The following EEPD1 variants were observed in gnomAD, a reference collection of about 807,000 sequenced individuals.
EEPD1 encodes the protein endonuclease/exonuclease/phosphatase family domain containing 1.
A neutral mutation model predicts 46.3 loss-of-function variants in EEPD1; 17 were observed. That is an observed-to-expected ratio of 0.37 (90% CI 0.25 to 0.55). The LOEUF is 0.55. Among genes scored for constraint, EEPD1 ranks in the 20% least tolerant of loss-of-function variants. EEPD1 has a pLI of 0.83. For synonymous variants in EEPD1, 313 were observed against 315.6 expected, an observed-to-expected ratio of 0.99 and a Z score of 0.09; for missense variants, 673 against 745.6, an observed-to-expected ratio of 0.90 and a Z score of 1.13.
Position 36,154,762 on chromosome 7 carries a change from G to C in EEPD1, c.438G>C (p.Gln146His), listed in dbSNP as rs1263990013. The C allele has an allele frequency of 6.2e-7, 1 of 1,614,108 alleles. No homozygotes were observed. Among genetic ancestry groups the C allele is most frequent in the South Asian group, 1.1e-5 (1 of 91,064 alleles). Residue 146 changes from glutamine (Q) to histidine (H), a missense_variant, in exon 2 of 8, where the codon CAG (glutamine) becomes CAC (histidine). Physicochemically the swap from Gln to His is conservative, Grantham distance 24. Transcript: ENST00000242108. This position sits in a 1 kb window ranked among gnomAD's most constrained non-coding sequence, Gnocchi z 4.2. ...RVNINTATPA[Q>H]LMSVRGLSEK... is the part of the protein sequence containing the mutation. Reference sequence around the variant, plus strand: ...ACATCAACACAGCCACCCCGGCCCAGCTCATGAGCGTGCGAGGCCTCTCGG... The same window carrying C: ...ACATCAACACAGCCACCCCGGCCCACCTCATGAGCGTGCGAGGCCTCTCGG...
At chr7:36,162,519 C>T (rs527314848) in intron 2 of EEPD1, among the ~76,000 whole-genome samples, 1 of 152,174 alleles carries the variant, frequency 6.6e-6, no homozygotes, top group East Asian at 1.9e-4. Context: ...TGGTGCACAC[C>T]CATAGTCCCA....
intron 5 of EEPD1, among the ~76,000 whole-genome samples, chr7:36,285,442 A>C (rs1023945434): frequency 6.6e-6 from 1 of 152,148 alleles, no homozygotes; most frequent in African/African-American, 2.4e-5. Context: ...GGCATCGCCC[A>C]TGTGGGAATC....
intron 3 of EEPD1, among the ~76,000 whole-genome samples, chr7:36,254,288 TC>T (rs1194669658): frequency 6.6e-6 from 1 of 152,084 alleles, no homozygotes; most frequent in Non-Finnish European, 1.5e-5. Flanking sequence ...AGCCCCCGAC[TC>T]CCTGACAGGC....
In EEPD1 at chr7:36,300,611, T is replaced by C. The variant is rs554016275; in HGVS notation, c.*1405T>C. ...CGCTTTCCACACCGAACACTAAATGTGGACCAGTATCAAGAACCCTCCTGT... is the reference window on the plus strand; with the variant it reads ...CGCTTTCCACACCGAACACTAAATGCGGACCAGTATCAAGAACCCTCCTGT... On this transcript the variant is annotated 3_prime_UTR_variant, in exon 8 of 8. Transcript: ENST00000242108. The C allele has an allele frequency of 7.2e-5, 11 of 152,340 alleles. No individual in the cohort carries two copies. In the East Asian group the frequency reaches 1.5e-3, roughly 21 times the overall value. The allele number at this position is 152,340 out of a possible 1,614,324, so 9.4% of individuals were successfully genotyped here.
At chr7:36,173,268 C>T (rs1785121529) in intron 2 of EEPD1, among the ~76,000 whole-genome samples, 1 of 143,156 alleles carries the variant, frequency 7.0e-6, no homozygotes, top group Non-Finnish European at 1.5e-5. Context: ...GGGGGCGGAT[C>T]ACGAGGTCAG....
rs2024442 is a variant in EEPD1, at chr7:36,225,778, A to G, written c.879-13207A>G. Among the ~76,000 whole-genome samples, 149,262 of 152,292 alleles carry G rather than the reference A, an allele frequency of 0.98. 73,220 individuals carry two copies. Among genetic ancestry groups the G allele is most frequent in the East Asian group, 1 (5,182 of 5,182 alleles). On this transcript the variant is annotated intron_variant, in intron 2 of 7. Coordinates refer to ENST00000242108, the MANE Select transcript of EEPD1 (RefSeq NM_030636.3). The surrounding 1 kb of genome is among the most constrained non-coding windows in gnomAD (Gnocchi z 4.2). Reference sequence around the variant, plus strand: ...AGTTCTTCGATTATCAAGTAAGTTTATGAACCCTCTACAAAATTTGGGGGT... The same window carrying G: ...AGTTCTTCGATTATCAAGTAAGTTTGTGAACCCTCTACAAAATTTGGGGGT...
intron 2 of EEPD1, among the ~76,000 whole-genome samples, chr7:36,188,257 A>G (rs1372462511): frequency 6.6e-6 from 1 of 152,118 alleles, no homozygotes; most frequent in South Asian, 2.1e-4. Context: ...GTACTACAGC[A>G]TTTTTGAAGA....
intron 3 of EEPD1, among the ~76,000 whole-genome samples, chr7:36,254,662 C>G (rs1297258052): frequency 1.3e-5 from 2 of 152,148 alleles, no homozygotes; most frequent in Non-Finnish European, 2.9e-5. Context: ...ATTACTGGGT[C>G]AAATGGTATT....
chr7:36,297,639 C>T (rs905852789), intron 7 of EEPD1, among the ~76,000 whole-genome samples: 1 of 152,180 alleles, frequency 6.6e-6, no homozygotes, highest in Non-Finnish European at 1.5e-5. Flanking sequence ...AAACATTTGT[C>T]AAACATGCAA....
chr7:36,156,507 T>A (rs926582427), intron 2 of EEPD1, among the ~76,000 whole-genome samples: 1 of 152,184 alleles, frequency 6.6e-6, no homozygotes, highest in Non-Finnish European at 1.5e-5. Context: ...ATAATTGTTC[T>A]CTTTATCCAT....
chr7:36,205,072 C>A (rs372512378), intron 2 of EEPD1, among the ~76,000 whole-genome samples: 1 of 152,200 alleles, frequency 6.6e-6, no homozygotes, highest in East Asian at 1.9e-4. Flanking sequence ...CATTCCCACT[C>A]CCCCACTGTC....
At chr7:36,279,045 G>A (rs1239964336) in intron 3 of EEPD1, among the ~76,000 whole-genome samples, 2 of 152,178 alleles carry the variant, frequency 1.3e-5, no homozygotes, top group African/African-American at 4.8e-5. Flanking sequence ...TTACAATGGA[G>A]GCAACTACTT....
Position 36,250,097 on chromosome 7 carries a change from T to G in EEPD1, c.930+11061T>G, listed in dbSNP as rs146876871. On this transcript the variant is annotated intron_variant, in intron 3 of 7. Coordinates refer to ENST00000242108, the MANE Select transcript of EEPD1 (RefSeq NM_030636.3). Reference sequence around the variant, plus strand: ...GTTAGCTGAGCATGGTAGCATACATTTGTAGTCCCCGCTACTCAGGAGGCT... The same window carrying G: ...GTTAGCTGAGCATGGTAGCATACATGTGTAGTCCCCGCTACTCAGGAGGCT... Among the ~76,000 whole-genome samples, 549 of 152,048 alleles carry G rather than the reference T, an allele frequency of 3.6e-3. 3 individuals carry two copies. Among genetic ancestry groups the G allele is most frequent in the African/African-American group, 0.012 (516 of 41,454 alleles).
At chr7:36,265,594 T>C (rs1787002230) in intron 3 of EEPD1, among the ~76,000 whole-genome samples, 1 of 152,212 alleles carries the variant, frequency 6.6e-6, no homozygotes, top group Non-Finnish European at 1.5e-5. Context: ...GTGTTGGCTT[T>C]CTCTCTCTTC....
chr7:36,277,484 G>A (rs1363883460), intron 3 of EEPD1, among the ~76,000 whole-genome samples: 1 of 152,332 alleles, frequency 6.6e-6, no homozygotes, highest in South Asian at 2.1e-4. Flanking sequence ...AAATGATGCC[G>A]ATTCTCGTGC....
intron 3 of EEPD1, among the ~76,000 whole-genome samples, chr7:36,250,860 C>T (rs1481391708): frequency 1.3e-5 from 2 of 152,176 alleles, no homozygotes; most frequent in Non-Finnish European, 2.9e-5. Flanking sequence ...TACTTCTTGA[C>T]ACTAGTGGAG....
chr7:36,213,567 A>T (rs1379862078), intron 2 of EEPD1, among the ~76,000 whole-genome samples: 1 of 152,176 alleles, frequency 6.6e-6, no homozygotes, highest in Non-Finnish European at 1.5e-5. Context: ...AGTGGCATAG[A>T]GGAGGTCGGA....
At chr7:36,268,019 A>G (rs1358149119) in intron 3 of EEPD1, among the ~76,000 whole-genome samples, 1 of 152,212 alleles carries the variant, frequency 6.6e-6, no homozygotes, top group African/African-American at 2.4e-5. Context: ...TTGGACCTCC[A>G]GCTTCCAGAA....
rs1209484086 is a variant in EEPD1, at chr7:36,239,038, TA to T, written c.930+5del. 1.9e-6 allele frequency: 3 copies of T among 1,611,292 alleles called. No individual in the cohort carries two copies. The highest frequency in any genetic ancestry group is 2.5e-6 in the Non-Finnish European group (3 of 1,179,454). Reference sequence around the variant, plus strand: ...CTTGACAGAGAGGCCTTGGAAAAGGTAAATATTTTACTCTTCCTTCCACATT... The same window carrying T: ...CTTGACAGAGAGGCCTTGGAAAAGGTAATATTTTACTCTTCCTTCCACATT... On this transcript the variant is annotated splice_donor_region_variant and intron_variant, in intron 3 of 7. Transcript: ENST00000242108.
Sources: allele counts gnomAD v4.1 joint callset (sites outside exome capture counted in the v4.1 genomes callset), GRCh38; gene constraint gnomAD v4.1.1; non-coding constraint Gnocchi (gnomAD v3.1); transcripts MANE v1.5; gene names NCBI Gene and HGNC (gene_info 2026-07-23, HGNC 2026-07-21).